SDK1: variants seen among roughly 807,000 people sequenced by gnomAD.
SDK1 encodes protein sidekick-1.
A neutral mutation model predicts 245.5 loss-of-function variants in SDK1; 157 were observed. The observed-to-expected ratio is 0.64, with a 90% CI of 0.56 to 0.73. The LOEUF (loss-of-function observed/expected upper bound fraction) is 0.73, where lower values mean the gene tolerates loss of function less well. Ranked by LOEUF, SDK1 falls within the 30% of genes least tolerant of loss-of-function variation. SDK1 has a pLI of 0.00. For synonymous variants in SDK1, 1,647 were observed against 1,278.5 expected, an observed-to-expected ratio of 1.29 and a Z score of -6.15; for missense variants, 3,583 against 3,002.3, an observed-to-expected ratio of 1.19 and a Z score of -4.52.
chr7:4,015,132 G>T (rs1786294466), intron 16 of SDK1, among the ~76,000 whole-genome samples: 2 of 152,204 alleles, frequency 1.3e-5, no homozygotes, highest in South Asian at 4.2e-4. Context: ...TGTCTCCTTT[G>T]ACTCTTGCAA....
chr7:3,402,811 T>C (rs1331856845), intron 1 of SDK1, among the ~76,000 whole-genome samples: 1 of 152,234 alleles, frequency 6.6e-6, no homozygotes, highest in Non-Finnish European at 1.5e-5. Flanking sequence ...CAACAGTAGA[T>C]TGCATTATAG....
At chr7:3,825,776 A>G (rs1779759784) in intron 5 of SDK1, among the ~76,000 whole-genome samples, 1 of 152,202 alleles carries the variant, frequency 6.6e-6, no homozygotes, top group African/African-American at 2.4e-5. Context: ...TTGTGTGCCC[A>G]GGTACAACTC....
intron 5 of SDK1, among the ~76,000 whole-genome samples, chr7:3,904,992 CAAAAAA>C (rs869287759): frequency 2.5e-5 from 3 of 120,348 alleles, no homozygotes; most frequent in Non-Finnish European, 3.5e-5. Flanking sequence ...GACTCCGTCT[CAAAAAA>C]AAAAAAAAAA....
At chr7:3,805,041 GA>G (rs761704887) in intron 4 of SDK1, among the ~76,000 whole-genome samples, 4 of 151,612 alleles carry the variant, frequency 2.6e-5, no homozygotes, top group African/African-American at 4.8e-5. Context: ...ACCACAAAAA[GA>G]AAAAAAATAC....
chr7:3,612,295 C>T (rs1409785317), intron 1 of SDK1, among the ~76,000 whole-genome samples: 1 of 152,156 alleles, frequency 6.6e-6, no homozygotes, highest in Non-Finnish European at 1.5e-5. Flanking sequence ...TAATGTGGAC[C>T]TGTCTATATT....
At chr7:3,969,481 C>G in intron 11 of SDK1, 57 bp downstream of exon 11, 1 of 1,371,966 alleles carries the variant, frequency 7.3e-7, no homozygotes, top group East Asian at 2.6e-5. Context: ...ATCATCACGT[C>G]ATCGTGTGCT....
At chr7:4,171,839 G>T (rs1426026942) in intron 32 of SDK1, among the ~76,000 whole-genome samples, 3 of 152,262 alleles carry the variant, frequency 2.0e-5, no homozygotes, top group Non-Finnish European at 2.9e-5. Flanking sequence ...AAGCCCGCAG[G>T]ATGGATACGT....
intron 4 of SDK1, among the ~76,000 whole-genome samples, chr7:3,665,131 A>C (rs982750279): frequency 4.6e-5 from 7 of 152,324 alleles, no homozygotes; most frequent in Admixed American, 3.9e-4. Flanking sequence ...GAAACCTCGT[A>C]GATGGGCCCT....
At position 3,678,622 on chromosome 7, in the gene SDK1, T is replaced by C. The variant is rs1434144385; in HGVS notation, c.713+36517T>C. ...AGTAGAATAGAAGTCATCATGGCCC[T>C]GGGGGGAGGGAGAGATGGGAGTTAC... On this transcript the variant is annotated intron_variant, in intron 4 of 44. Coordinates refer to ENST00000404826, the MANE Select transcript of SDK1 (RefSeq NM_152744.4). Among the ~76,000 whole-genome samples, 3 of 152,114 alleles carry C rather than the reference T, an allele frequency of 2.0e-5. No homozygotes were observed. The East Asian group carries it at 5.8e-4, about 29-fold the overall frequency.
At chr7:4,017,766 G>A (rs73673246) in intron 17 of SDK1, among the ~76,000 whole-genome samples, 9,297 of 152,230 alleles carry the variant, frequency 0.061, 872 homozygotes, top group African/African-American at 0.21. Flanking sequence ...ACGACGTAAC[G>A]TGATTACTGG....
chr7:3,313,653 G>A (rs1272492939), intron 1 of SDK1, among the ~76,000 whole-genome samples: 1 of 152,148 alleles, frequency 6.6e-6, no homozygotes, highest in Non-Finnish European at 1.5e-5. Flanking sequence ...ACGGATTAGC[G>A]AGAGTGTAAG....
chr7:3,479,276 G>A (rs1217936036), intron 1 of SDK1, among the ~76,000 whole-genome samples: 6 of 151,812 alleles, frequency 4.0e-5, no homozygotes, highest in African/African-American at 1.5e-4. Context: ...ATAAAAATTA[G>A]CCAGGCCTGG....
At chr7:4,090,611 T>G (rs1781726217) in intron 22 of SDK1, among the ~76,000 whole-genome samples, 1 of 152,192 alleles carries the variant, frequency 6.6e-6, no homozygotes. Flanking sequence ...GAGCACTTCC[T>G]TATCTTCTGG....
chr7:3,822,784 A>T (rs1300670744), intron 5 of SDK1, among the ~76,000 whole-genome samples: 2 of 152,116 alleles, frequency 1.3e-5, no homozygotes, highest in East Asian at 3.9e-4. Flanking sequence ...GAAAAAAAAA[A>T]AAAAGAAAAG....
chr7:3,831,958 GGAGGATCACTT>G (rs1246245205), intron 5 of SDK1, among the ~76,000 whole-genome samples: 1 of 152,078 alleles, frequency 6.6e-6, no homozygotes, highest in African/African-American at 2.4e-5. Context: ...GGGTGAGGTA[GGAGGATCACTT>G]GAGCCAGGGA....
rs531243499 is a variant in SDK1, at chr7:4,030,645, G to A, written c.2602+13293G>A. On this transcript the variant is annotated intron_variant, in intron 17 of 44. Transcript: ENST00000404826. ...TGCTATGAAGCTTCACACAAGAAGC[G>A]TTCGGCACCAACATTCAGGTGATTT... Among the ~76,000 whole-genome samples, 7 of 152,330 alleles carry A rather than the reference G, an allele frequency of 4.6e-5. No individual in the cohort carries two copies. The East Asian group carries it at 1.2e-3, about 25-fold the overall frequency.
At chr7:3,948,153 CTTTGCCATCAGAAGA>C (rs962019022) in intron 5 of SDK1, among the ~76,000 whole-genome samples, 33 of 151,330 alleles carry the variant, frequency 2.2e-4, no homozygotes, top group Admixed American at 1.3e-3. Context: ...AAATGCATAG[CTTTGCCATCAGAAGA>C]CCTATATAAC....
chr7:3,893,911 TA>T (rs1781526598), intron 5 of SDK1, among the ~76,000 whole-genome samples: 1 of 152,184 alleles, frequency 6.6e-6, no homozygotes, highest in African/African-American at 2.4e-5. Flanking sequence ...TTAAGGATTT[TA>T]CAGGTTTACA....
At chr7:3,471,593 A>G (rs1038837236) in intron 1 of SDK1, among the ~76,000 whole-genome samples, 2 of 152,126 alleles carry the variant, frequency 1.3e-5, no homozygotes, top group Non-Finnish European at 1.5e-5. Flanking sequence ...TATTTACACT[A>G]TGTTTTCAGT....
Sources: gnomAD v4.1 joint callset for allele counts (sites outside exome capture counted in the v4.1 genomes callset) on GRCh38, gnomAD v4.1.1 for gene constraint, MANE v1.5 for transcripts, NCBI Gene and HGNC (gene_info 2026-07-23, HGNC 2026-07-21) for gene names.